ZNF345: variants seen among roughly 807,000 people sequenced by gnomAD.
ZNF345 encodes the protein zinc finger protein 345.
For synonymous variants in ZNF345, 166 were observed against 187.9 expected (o/e 0.88, Z 0.95); for missense variants, 527 against 589.9 (o/e 0.89, Z 1.10).
chr19:36,854,486 G>C (rs986017620), intron 2 of ZNF345: 1 of 152,076 alleles, frequency 6.6e-6, no homozygotes, highest in African/African-American at 2.4e-5. Context: ...CAGAAACATG[G>C]CTTGCCTTTT....
At chr19:36,857,969 G>A (rs143242577) in intron 2 of ZNF345, among the ~76,000 whole-genome samples, 2,180 of 151,846 alleles carry the variant, frequency 0.014, 46 homozygotes, top group Admixed American at 0.056. Flanking sequence ...TAGTGGAGAT[G>A]GGGTTTCACC....
rs1253004714 is a variant in ZNF345, at chr19:36,877,674, G to A, written c.844G>A (p.Gly282Ser). Residue 282 changes from glycine to serine, a missense_variant, in exon 3 of 3, where the codon GGT becomes AGT. Gly to Ser is a moderately conservative substitution (Grantham distance 56). Coordinates refer to ENST00000420450, the MANE Select transcript of ZNF345 (RefSeq NM_001242472.2). ...ALTRHQRIHT[G>S]EKPYVCKECG... Reference sequence around the variant, plus strand: ...TACTCGACATCAAAGAATTCATACTGGTGAGAAACCTTATGTATGTAAGGA... The same window carrying A: ...TACTCGACATCAAAGAATTCATACTAGTGAGAAACCTTATGTATGTAAGGA... The A allele has an allele frequency of 1.2e-6, 2 of 1,614,112 alleles. No individual in the cohort carries two copies. The highest frequency in any genetic ancestry group is 1.7e-5 in the Admixed American group (1 of 60,014).
In ZNF345 at chr19:36,852,527, A is replaced by G. The variant is rs532649330; in HGVS notation, c.-47+623A>G. On this transcript the variant is annotated intron_variant, in intron 2 of 2. Coordinates refer to ENST00000420450, the MANE Select transcript of ZNF345 (RefSeq NM_001242472.2). ...TTGGGAGGCTGAGGAGAATCGCTTGAACCCGGGAGGCAGAGGTTGCAGTGA... is the reference window on the plus strand; with the variant it reads ...TTGGGAGGCTGAGGAGAATCGCTTGGACCCGGGAGGCAGAGGTTGCAGTGA... Among the ~76,000 whole-genome samples, 4 of 151,804 alleles carry G rather than the reference A, an allele frequency of 2.6e-5. No individual in the cohort carries two copies. The South Asian group carries it at 8.3e-4, about 32-fold the overall frequency.
rs766790261 is a variant in ZNF345 at position 36,876,788 on chromosome 19, A to G, written c.-43A>G. On this transcript the variant is annotated 5_prime_UTR_variant, in exon 3 of 3. It removes an upstream start codon present in the reference 5' UTR. Transcript: ENST00000420450. The stretch of plus-strand genomic sequence containing the variant: ...TTGCTTTTATATTTTCTTTCAGACT[A>G]TGAATCAAAGTTGAGACCAAGAAAT... 6.5e-6 allele frequency: 10 copies of G among 1,530,480 alleles called. No homozygotes were observed. The East Asian group carries it at 1.6e-4, about 24-fold the overall frequency. The allele number at this position is 1,530,480 out of a possible 1,614,324, so 94.8% of individuals were successfully genotyped here.
At chr19:36,886,310 A>C (rs2072996073) in intron 3 of ZNF345, among the ~76,000 whole-genome samples, 1 of 152,152 alleles carries the variant, frequency 6.6e-6, no homozygotes, top group South Asian at 2.1e-4. Flanking sequence ...AAGGGAGAAA[A>C]GACTAAATTT....
At position 36,878,827 on chromosome 19, in the gene ZNF345, TTTTTTG is replaced by T. The variant is rs953817052; in HGVS notation, c.*554_*559del. On this transcript the variant is annotated 3_prime_UTR_variant, in exon 3 of 3. Coordinates refer to ENST00000420450, the MANE Select transcript of ZNF345 (RefSeq NM_001242472.2). ...TAAAGCTTGGATATCAGGTCAGTGTTTTTTTGTTTTTGTTTTTGTTTTTGTTTTTTT... is the reference window on the plus strand; with the variant it reads ...TAAAGCTTGGATATCAGGTCAGTGTTTTTTTGTTTTTGTTTTTGTTTTTTT... 2.4e-5 allele frequency: 4 copies of T among 167,444 alleles called. No homozygotes were observed. The highest frequency in any genetic ancestry group is 1.9e-4 in the East Asian group (1 of 5,254). The allele number at this position is 167,444 out of a possible 1,614,324, so 10.4% of individuals were successfully genotyped here. A position where few individuals can be genotyped will look rare whatever the true frequency, so the allele number is the denominator to read the frequency against.
chr19:36,850,789 G>C (rs1233682031), upstream of ZNF345: 1 of 152,230 alleles, frequency 6.6e-6, no homozygotes, highest in African/African-American at 2.4e-5. Flanking sequence ...TCGCTTTCTG[G>C]ACTACACTTC....
At chr19:36,858,501 C>T (rs1032286715) in intron 2 of ZNF345, among the ~76,000 whole-genome samples, 4 of 152,170 alleles carry the variant, frequency 2.6e-5, no homozygotes, top group African/African-American at 9.7e-5. Flanking sequence ...TGCAGTGGCT[C>T]ACGCCCGTAA....
intron 2 of ZNF345, among the ~76,000 whole-genome samples, chr19:36,861,864 T>C (rs905601057): frequency 6.6e-6 from 1 of 150,670 alleles, no homozygotes; most frequent in African/African-American, 2.4e-5. Context: ...CCAGCCTTTT[T>C]TTTTTTTTTT....
intron 2 of ZNF345, among the ~76,000 whole-genome samples, chr19:36,862,376 A>C (rs2072567048): frequency 6.6e-6 from 1 of 151,854 alleles, no homozygotes; most frequent in Non-Finnish European, 1.5e-5. Flanking sequence ...CCAAAAGTTA[A>C]AACTAGCTGG....
At chr19:36,869,360 C>T (rs1410812369) in intron 2 of ZNF345, among the ~76,000 whole-genome samples, 1 of 152,178 alleles carries the variant, frequency 6.6e-6, no homozygotes, top group Non-Finnish European at 1.5e-5. Flanking sequence ...TATGCCCTTT[C>T]CTGGTGAAAG....
chr19:36,864,083 A>G (rs2072610901), intron 2 of ZNF345, among the ~76,000 whole-genome samples: 1 of 152,222 alleles, frequency 6.6e-6, no homozygotes, highest in Admixed American at 6.5e-5. Context: ...GTTGCAGTCA[A>G]TATCTAATCA....
In ZNF345 at chr19:36,877,971, A is replaced by T. The variant is rs748950466; in HGVS notation, c.1141A>T (p.Ser381Cys). 1 of 1,614,072 alleles carries T rather than the reference A, an allele frequency of 6.2e-7. No individual in the cohort carries two copies. The highest frequency in any genetic ancestry group is 8.5e-7 in the Non-Finnish European group (1 of 1,179,902). Reference protein sequence around the residue: ...ECKECGKAFGSGSKLIQHQLI... With the variant: ...ECKECGKAFGCGSKLIQHQLI... Reference sequence around the variant, plus strand: ...TAAGGAATGTGGGAAGGCCTTTGGTAGTGGCTCAAAACTTATCCAACACCA... The same window carrying T: ...TAAGGAATGTGGGAAGGCCTTTGGTTGTGGCTCAAAACTTATCCAACACCA... Residue 381 changes from serine (S) to cysteine (C), a missense_variant, in exon 3 of 3, where the codon AGT becomes TGT. Ser to Cys is a moderately radical substitution (Grantham distance 112). Coordinates refer to ENST00000420450, the MANE Select transcript of ZNF345 (RefSeq NM_001242472.2).
intron 2 of ZNF345, among the ~76,000 whole-genome samples, chr19:36,856,226 C>G (rs1390381877): frequency 6.6e-6 from 1 of 152,122 alleles, no homozygotes; most frequent in Non-Finnish European, 1.5e-5. Flanking sequence ...TGCTCCCTAC[C>G]TACATTGTAA....
At chr19:36,891,608 G>C in intron 3 of ZNF345, 3 of 1,612,930 alleles carry the variant, frequency 1.9e-6, no homozygotes, top group Non-Finnish European at 2.5e-6. Flanking sequence ...TGTCGAGTAA[G>C]ATTTGAGCCT....
intron 2 of ZNF345, among the ~76,000 whole-genome samples, chr19:36,869,114 A>G (rs2072724110): frequency 6.6e-6 from 1 of 152,112 alleles, no homozygotes; most frequent in Non-Finnish European, 1.5e-5. Context: ...AGGTTTTAGC[A>G]TACAGTCCCC....
intron 2 of ZNF345, among the ~76,000 whole-genome samples, chr19:36,863,421 C>A (rs2072596170): frequency 6.6e-6 from 1 of 152,132 alleles, no homozygotes; most frequent in South Asian, 2.1e-4. Context: ...TGCTGGATTG[C>A]AAGTTATTTC....
intron 2 of ZNF345, among the ~76,000 whole-genome samples, chr19:36,869,216 T>C (rs925930931): frequency 1.3e-5 from 2 of 151,716 alleles, no homozygotes; most frequent in Non-Finnish European, 2.9e-5. Flanking sequence ...AGTAATTTAC[T>C]ACAACTCACA....
chr19:36,868,352 A>G (rs572483092), intron 2 of ZNF345, among the ~76,000 whole-genome samples: 1 of 152,142 alleles, frequency 6.6e-6, no homozygotes, highest in Non-Finnish European at 1.5e-5. Context: ...TCTCAATACC[A>G]TTTTTTGAAG....
Sources: gnomAD v4.1 joint callset for allele counts (sites outside exome capture counted in the v4.1 genomes callset) on GRCh38, gnomAD v4.1.1 for gene constraint, MANE v1.5 for transcripts, NCBI Gene and HGNC (gene_info 2026-07-23, HGNC 2026-07-21) for gene names.